The following FSHR variants were observed in gnomAD, a reference collection of about 807,000 sequenced individuals.
FSHR encodes the protein follicle-stimulating hormone receptor.
Under a neutral mutation model 52.1 loss-of-function variants are expected in FSHR, and 46 were observed. The ratio of observed to expected loss-of-function variants is 0.88; its 90% CI spans 0.70 to 1.13. The LOEUF (loss-of-function observed/expected upper bound fraction) is 1.13. FSHR is among the 50% of genes most tolerant of loss of function. FSHR has a pLI of 0.00. For missense variants in FSHR, 964 were observed against 834.6 expected (o/e 1.16, Z -1.91); for synonymous variants, 399 against 309.6 (o/e 1.29, Z -3.03).
At chr2:48,967,597 C>A (rs753148363) in intron 9 of FSHR, among the ~76,000 whole-genome samples, 1 of 152,172 alleles carries the variant, frequency 6.6e-6, no homozygotes, top group Admixed American at 6.5e-5. Flanking sequence ...ATGAAGAGTG[C>A]CCATTCTGGA....
chr2:49,069,669 T>G (rs1306122830), intron 1 of FSHR, among the ~76,000 whole-genome samples: 1 of 152,148 alleles, frequency 6.6e-6, no homozygotes, highest in Non-Finnish European at 1.5e-5. Flanking sequence ...ATTAAATGGC[T>G]TATTGAGCCC....
At chr2:49,065,320 G>C (rs1185910705) in intron 2 of FSHR, among the ~76,000 whole-genome samples, 1 of 152,082 alleles carries the variant, frequency 6.6e-6, no homozygotes, top group Non-Finnish European at 1.5e-5. Context: ...AGGCATGGAA[G>C]CTTCATACAG....
intron 8 of FSHR, among the ~76,000 whole-genome samples, chr2:48,975,145 TC>T (rs1276967693): frequency 1.3e-5 from 2 of 152,130 alleles, no homozygotes; most frequent in East Asian, 3.8e-4. Context: ...TGAGGGTATT[TC>T]CAGAAGAGAT....
At chr2:48,998,828 G>A (rs576450474) in intron 4 of FSHR, among the ~76,000 whole-genome samples, 5 of 152,066 alleles carry the variant, frequency 3.3e-5, no homozygotes, top group African/African-American at 1.2e-4. Context: ...TATTTAGTGA[G>A]AGCAAAACAG....
At chr2:49,130,679 A>C (rs1308216283) in intron 1 of FSHR, among the ~76,000 whole-genome samples, 1 of 152,214 alleles carries the variant, frequency 6.6e-6, no homozygotes, top group Non-Finnish European at 1.5e-5. Flanking sequence ...AGAGAAAATA[A>C]GATACTTTAT....
chr2:49,113,173 G>A (rs1006451880), intron 1 of FSHR, among the ~76,000 whole-genome samples: 1 of 152,132 alleles, frequency 6.6e-6, no homozygotes, highest in Non-Finnish European at 1.5e-5. Context: ...TGAGCAGATG[G>A]CACAGCACCT....
chr2:49,001,219 A>G (rs1479407769), intron 4 of FSHR, among the ~76,000 whole-genome samples: 1 of 152,146 alleles, frequency 6.6e-6, no homozygotes, highest in Non-Finnish European at 1.5e-5. Flanking sequence ...TATTAAAGTC[A>G]TTTAACGCTG....
intron 2 of FSHR, among the ~76,000 whole-genome samples, chr2:49,066,424 A>G (rs1669503681): frequency 2.6e-5 from 4 of 152,070 alleles, no homozygotes; most frequent in Admixed American, 2.6e-4. Context: ...GTGTAAGGTA[A>G]GACAATGGAC....
intron 1 of FSHR, among the ~76,000 whole-genome samples, chr2:49,116,403 T>G (rs1173687215): frequency 6.6e-6 from 1 of 152,194 alleles, no homozygotes; most frequent in Non-Finnish European, 1.5e-5. Context: ...GGATGTGGGC[T>G]TCAGCCTTAG....
chr2:49,014,795 A>G, intron 4 of FSHR: 1 of 369,428 alleles, frequency 2.7e-6, no homozygotes, highest in African/African-American at 2.2e-5. Flanking sequence ...CCTTGGCAGG[A>G]GTGCTTTGCA....
intron 1 of FSHR, among the ~76,000 whole-genome samples, chr2:49,091,796 T>A (rs1483928567): frequency 6.6e-6 from 1 of 152,240 alleles, no homozygotes; most frequent in African/African-American, 2.4e-5. Flanking sequence ...AGTAAGTCTT[T>A]AAATTGGTTA....
intron 4 of FSHR, among the ~76,000 whole-genome samples, chr2:49,007,797 A>G (rs1667122416): frequency 6.6e-6 from 1 of 152,122 alleles, no homozygotes; most frequent in Non-Finnish European, 1.5e-5. Context: ...GTGAATGGAT[A>G]ATATACCAGA....
At chr2:49,057,369 C>G (rs2054320633) in intron 2 of FSHR, among the ~76,000 whole-genome samples, 1 of 151,720 alleles carries the variant, frequency 6.6e-6, no homozygotes, top group Admixed American at 6.6e-5. Context: ...ACAATGTTTA[C>G]TAAAAAAATA....
chr2:49,068,428 T>C (rs1182470833), intron 1 of FSHR, 138 bp from the exon 2 acceptor site: 1 of 720,906 alleles, frequency 1.4e-6, no homozygotes, highest in African/African-American at 1.7e-5. Flanking sequence ...TTTTACATTC[T>C]CTCTTTTCAT....
chr2:49,021,863 C>CTA lies in FSHR; in HGVS notation c.225-1705_225-1704dup, dbSNP rs1224896244. On this transcript the variant is annotated intron_variant, in intron 2 of 9. Coordinates refer to ENST00000406846, the MANE Select transcript of FSHR (RefSeq NM_000145.4). Reference sequence around the variant, plus strand: ...TCTCTCTCTCTCTCTCTCTCTCTCTCTATATATATATATATATATATATAG... The same window carrying CTA: ...TCTCTCTCTCTCTCTCTCTCTCTCTCTATATATATATATATATATATATATAG... Among the ~76,000 whole-genome samples the CTA allele has an allele frequency of 5.9e-3, 294 of 49,600 alleles. 3 individuals carry two copies. Among genetic ancestry groups the CTA allele is most frequent in the Middle Eastern group, 0.013 (1 of 76 alleles). The allele number at this position is 49,600 out of a possible 152,430, so 32.5% of individuals were successfully genotyped here. A position where few individuals can be genotyped will look rare whatever the true frequency, so the allele number is the denominator to read the frequency against.
At chr2:48,994,998 G>A (rs1675958547) in intron 4 of FSHR, among the ~76,000 whole-genome samples, 3 of 152,158 alleles carry the variant, frequency 2.0e-5, no homozygotes, top group African/African-American at 7.2e-5. Context: ...TACCTATTCT[G>A]CCATAGGATA....
intron 2 of FSHR, among the ~76,000 whole-genome samples, chr2:49,021,380 C>T (rs937876168): frequency 1.3e-5 from 2 of 152,158 alleles, no homozygotes; most frequent in African/African-American, 4.8e-5. Flanking sequence ...TATTATTAGG[C>T]CTCCTGAGGA....
chr2:49,013,129 C>T (rs967252024), intron 4 of FSHR, among the ~76,000 whole-genome samples: 13 of 151,450 alleles, frequency 8.6e-5, no homozygotes, highest in Non-Finnish European at 1.5e-4. Flanking sequence ...CTTCCCCCCC[C>T]ACCCCCACTT....
intron 4 of FSHR, chr2:49,014,783 G>T: frequency 8.8e-6 from 3 of 341,780 alleles, no homozygotes; most frequent in South Asian, 2.4e-5. Context: ...TCTTGGGTTT[G>T]TCCTTGGCAG....
Sources: gnomAD v4.1 joint callset for allele counts (sites outside exome capture counted in the v4.1 genomes callset) on GRCh38, gnomAD v4.1.1 for gene constraint, MANE v1.5 for transcripts, NCBI Gene and HGNC (gene_info 2026-07-23, HGNC 2026-07-21) for gene names.